The following TYK2 variants were observed in gnomAD, a reference collection of about 807,000 sequenced individuals.
The protein encoded by TYK2 is tyrosine kinase 2, also known as non-receptor tyrosine-protein kinase TYK2.
TYK2 carries 65 observed loss-of-function variants against 130.9 expected under a neutral mutation model. That is an observed-to-expected ratio of 0.50 (90% CI 0.41 to 0.61). TYK2 has a LOEUF of 0.61. TYK2 is among the 20% of genes least tolerant of loss of function. The probability of loss-of-function intolerance (pLI) is 0.00; values close to 1 mark genes in which losing one functional copy is unlikely to be tolerated. For missense variants in TYK2, 1,378 were observed against 1,610.7 expected (o/e 0.86, Z 2.47); for synonymous variants, 647 against 658.9 (o/e 0.98, Z 0.28).
At chr19:10,360,779 G>A (rs2041361806) in intron 14 of TYK2, among the ~76,000 whole-genome samples, 1 of 151,988 alleles carries the variant, frequency 6.6e-6, no homozygotes, top group Non-Finnish European at 1.5e-5. Context: ...TTGAGACAGA[G>A]TCTCGCCCTG....
At chr19:10,355,577 T>C (rs1319315857) in intron 18 of TYK2, among the ~76,000 whole-genome samples, 4 of 129,578 alleles carry the variant, frequency 3.1e-5, no homozygotes, top group Non-Finnish European at 4.9e-5. Context: ...GAGGCGGAGG[T>C]TGCAGTGGGC....
chr19:10,368,557 CT>C (rs765547402), intron 3 of TYK2, 139 bp from the exon 4 acceptor site: 6 of 1,285,660 alleles, frequency 4.7e-6, no homozygotes, highest in Non-Finnish European at 6.6e-6. Context: ...CACGTTGCCC[CT>C]GGGCAGAGGA....
intron 14 of TYK2, among the ~76,000 whole-genome samples, chr19:10,360,456 C>T (rs1371240348): frequency 6.6e-6 from 1 of 152,084 alleles, no homozygotes; most frequent in Non-Finnish European, 1.5e-5. Flanking sequence ...ATGATGGCAC[C>T]ACTGCATTGC....
chr19:10,368,195 A>C lies in TYK2; in HGVS notation c.325T>G (p.Phe109Val). The C allele has an allele frequency of 6.2e-7, 1 of 1,614,128 alleles. No homozygotes were observed. Among genetic ancestry groups the C allele is most frequent in the Non-Finnish European group, 8.5e-7 (1 of 1,180,016 alleles). ...LMLYFRIRFYFRNWHGMNPRE... is the reference protein window; with the variant it reads ...LMLYFRIRFYVRNWHGMNPRE... Reference sequence around the variant, plus strand: ...GGATTCATGCCATGCCAGTTCCGGAAATAAAACCTGCAGGAAGGAGGGACG... The same window carrying C: ...GGATTCATGCCATGCCAGTTCCGGACATAAAACCTGCAGGAAGGAGGGACG... Residue 109 changes from phenylalanine to valine, a missense_variant, in exon 5 of 25, where the codon TTC becomes GTC. Phe to Val is a conservative substitution (Grantham distance 50). Transcript: ENST00000525621.
At chr19:10,357,411 T>C (rs927058349) in intron 17 of TYK2, 3 of 664,562 alleles carry the variant, frequency 4.5e-6, no homozygotes, top group African/African-American at 3.6e-5. Flanking sequence ...ACCACACTCA[T>C]GAACCTCCTT....
Position 10,353,138 on chromosome 19 carries a change from G to C in TYK2, c.3028-40C>G, listed in dbSNP as rs757954545. 1.7e-5 allele frequency: 25 copies of C among 1,458,678 alleles called. No homozygotes were observed. Among genetic ancestry groups the C allele is most frequent in the Non-Finnish European group, 2.2e-5 (24 of 1,101,726 alleles). The allele number at this position is 1,458,678 out of a possible 1,614,324, so 90.4% of individuals were successfully genotyped here. A position where few individuals can be genotyped will look rare whatever the true frequency, so the allele number is the denominator to read the frequency against. ...GGGCTCGTGAGTTTCAGTGGGGCGG[G>C]GTTCGGCCGGGGGCGGCGGCAGGAC... On this transcript the variant is annotated intron_variant, in intron 21 of 24. Transcript: ENST00000525621. The surrounding 1 kb of genome is among the most constrained non-coding windows in gnomAD (Gnocchi z 6.9).
intron 3 of TYK2, among the ~76,000 whole-genome samples, chr19:10,375,759 AC>A (rs1865097476): frequency 7.2e-6 from 1 of 138,166 alleles, no homozygotes. Flanking sequence ...TACTAAAAAT[AC>A]AAAAAAAAAA....
Position 10,364,784 on chromosome 19 carries a change from G to A in TYK2, c.1210-13C>T. 1.2e-6 allele frequency: 2 copies of A among 1,614,014 alleles called. No individual in the cohort carries two copies. The highest frequency in any genetic ancestry group is 1.7e-6 in the Non-Finnish European group (2 of 1,180,046). The stretch of plus-strand genomic sequence containing the variant: ...GCAAGCTCAGCTCCTGCCAGCCAGG[G>A]GCGCATCAGGTGGGTGTCCTCCCAG... On this transcript the variant is annotated splice_polypyrimidine_tract_variant and intron_variant, in intron 8 of 24. Coordinates refer to ENST00000525621, the MANE Select transcript of TYK2 (RefSeq NM_003331.5). The surrounding 1 kb of genome is among the most constrained non-coding windows in gnomAD (Gnocchi z 4.9).
At position 10,356,501 on chromosome 19, in the gene TYK2, A is replaced by G. The variant is rs186231250; in HGVS notation, c.2617+67T>C. On this transcript the variant is annotated intron_variant, in intron 18 of 24. Transcript: ENST00000525621. ...TGTGCAGAGACCTCTCGTGCGCTAT[A>G]GGCATACAGCAGGGATCCCAGCCCC... The G allele has an allele frequency of 2.5e-4, 405 of 1,595,378 alleles. 1 individual carries two copies. Among genetic ancestry groups the G allele is most frequent in the Non-Finnish European group, 5.6e-5 (65 of 1,170,964 alleles).
rs578150310 is a variant in TYK2, at chr19:10,353,166, G to A, written c.3028-68C>T. 1.0e-5 allele frequency: 14 copies of A among 1,345,670 alleles called. No homozygotes were observed. In the East Asian group the frequency reaches 2.6e-4, roughly 25 times the overall value. 83.4% of individuals were successfully genotyped at this position (1,345,670 alleles called of 1,614,324 possible). On this transcript the variant is annotated intron_variant, in intron 21 of 24. Transcript: ENST00000525621. This position sits in a 1 kb window ranked among gnomAD's most constrained non-coding sequence, Gnocchi z 6.9. ...TCGGCCGGGGGCGGCGGCAGGACCT[G>A]AGCAGCCAGGAGGGCTGGGGGACAG...
intron 3 of TYK2, among the ~76,000 whole-genome samples, chr19:10,372,021 C>T (rs1382696109): frequency 2.0e-5 from 3 of 151,726 alleles, no homozygotes; most frequent in Admixed American, 6.6e-5. Context: ...GACGGAGTCT[C>T]GATCTGTCGC....
At position 10,353,255 on chromosome 19, in the gene TYK2, A is replaced by C; in HGVS notation, c.3028-157T>G. Reference sequence around the variant, plus strand: ...CCGGATGGCACGTGGCACCAAGCAAAAGGAGGCTGAGCCAGAAAGCAGGGA... The same window carrying C: ...CCGGATGGCACGTGGCACCAAGCAACAGGAGGCTGAGCCAGAAAGCAGGGA... On this transcript the variant is annotated intron_variant, in intron 21 of 24. Coordinates refer to ENST00000525621, the MANE Select transcript of TYK2 (RefSeq NM_003331.5). The surrounding 1 kb of genome is among the most constrained non-coding windows in gnomAD (Gnocchi z 6.9). 3 of 621,620 alleles carry C rather than the reference A, an allele frequency of 4.8e-6. No homozygotes were observed. In the Admixed American group the frequency reaches 1.0e-4, roughly 21 times the overall value. The allele number at this position is 621,620 out of a possible 1,614,324, so 38.5% of individuals were successfully genotyped here. A position where few individuals can be genotyped will look rare whatever the true frequency, so the allele number is the denominator to read the frequency against.
intron 3 of TYK2, among the ~76,000 whole-genome samples, chr19:10,374,616 G>T (rs1276942301): frequency 2.0e-5 from 3 of 146,384 alleles, no homozygotes; most frequent in Non-Finnish European, 4.5e-5. Flanking sequence ...AGCCGGGCAC[G>T]GTGGCTCACA....
In TYK2 at chr19:10,364,981, T is replaced by C. The variant is rs1251900547; in HGVS notation, c.1079A>G (p.Lys360Arg). 2 of 1,613,758 alleles carry C rather than the reference T, an allele frequency of 1.2e-6. No individual in the cohort carries two copies. Residue 360 changes from lysine to arginine, a missense_variant, in exon 8 of 25, where the codon AAG (lysine) becomes AGG (arginine). By Grantham distance (26) the Lys-to-Arg change is conservative. Coordinates refer to ENST00000525621, the MANE Select transcript of TYK2 (RefSeq NM_003331.5). This position sits in a 1 kb window ranked among gnomAD's most constrained non-coding sequence, Gnocchi z 4.9. ...SLFGKKAKAH[K>R]AVGQPADRPR... is the part of the protein sequence containing the mutation. ...CCTGTCTGCCGGCTGGCCGACTGCC[T>C]TGTGAGCCTTGGCCTTCTTCCCAAA...
rs374019486 is a variant in TYK2 at position 10,362,048 on chromosome 19, C to T, written c.1773+30G>A. The T allele has an allele frequency of 8.9e-5, 144 of 1,613,084 alleles. No homozygotes were observed. The African/African-American group carries it at 1.7e-3, about 19-fold the overall frequency. On this transcript the variant is annotated intron_variant, in intron 12 of 24. Coordinates refer to ENST00000525621, the MANE Select transcript of TYK2 (RefSeq NM_003331.5). Reference sequence around the variant, plus strand: ...GCACCCACATCCCCAGGGGCCCTGCCCTTGCCCCGGGCCCCTTCCCTGCAC... The same window carrying T: ...GCACCCACATCCCCAGGGGCCCTGCTCTTGCCCCGGGCCCCTTCCCTGCAC...
chr19:10,374,805 C>A (rs1016347429), intron 3 of TYK2, among the ~76,000 whole-genome samples: 1 of 151,802 alleles, frequency 6.6e-6, no homozygotes, highest in African/African-American at 2.4e-5. Flanking sequence ...ATCGCTAGAA[C>A]CCGGGAGGCG....
In TYK2 at chr19:10,362,410, T is replaced by A; in HGVS notation, c.1523A>T (p.Glu508Val). The A allele has an allele frequency of 6.2e-7, 1 of 1,612,188 alleles. No individual in the cohort carries two copies. Among genetic ancestry groups the A allele is most frequent in the East Asian group, 2.2e-5 (1 of 44,830 alleles). Residue 508 changes from glutamate (E) to valine (V), a missense_variant, in exon 11 of 25, where the codon GAG becomes GTG. By Grantham distance (121) the Glu-to-Val change is moderately radical. Transcript: ENST00000525621. Reference protein sequence around the residue: ...QSLRLRKFPIEQQDGAFVLEG... With the variant: ...QSLRLRKFPIVQQDGAFVLEG... ...CAGCACGAAGGCCCCGTCCTGCTGC[T>A]CAATGGGGAACTTTCGGAGCCGCAA...
In TYK2 at chr19:10,368,292, C is replaced by T. The variant is rs1446680378; in HGVS notation, c.317+3G>A. The T allele has an allele frequency of 4.3e-6, 7 of 1,614,048 alleles. No individual in the cohort carries two copies. The highest frequency in any genetic ancestry group is 1.7e-5 in the Admixed American group (1 of 59,986). Reference sequence around the variant, plus strand: ...GACGAGCTTTGCAAAGGTCTCCACCCACCTTATGCGGAAATATAGCATCAG... The same window carrying T: ...GACGAGCTTTGCAAAGGTCTCCACCTACCTTATGCGGAAATATAGCATCAG... On this transcript the variant is annotated splice_donor_region_variant and intron_variant, in intron 4 of 24. Coordinates refer to ENST00000525621, the MANE Select transcript of TYK2 (RefSeq NM_003331.5).
In TYK2 at chr19:10,369,857, C is replaced by T. The variant is rs12720247; in HGVS notation, c.194-1439G>A. 262 of 390,894 alleles carry T rather than the reference C, an allele frequency of 6.7e-4. 2 individuals carry two copies. Among genetic ancestry groups the T allele is most frequent in the African/African-American group, 5.2e-3 (243 of 46,740 alleles). 24.2% of individuals were successfully genotyped at this position (390,894 alleles called of 1,614,324 possible). Reference sequence around the variant, plus strand: ...AGGAGATCAAGACCATCTTGGCTAACATGGTGAAACCCCGTCTCTACTAAA... The same window carrying T: ...AGGAGATCAAGACCATCTTGGCTAATATGGTGAAACCCCGTCTCTACTAAA... On this transcript the variant is annotated intron_variant, in intron 3 of 24. Coordinates refer to ENST00000525621, the MANE Select transcript of TYK2 (RefSeq NM_003331.5).
Sources: allele counts gnomAD v4.1 joint callset (sites outside exome capture counted in the v4.1 genomes callset), GRCh38; gene constraint gnomAD v4.1.1; non-coding constraint Gnocchi (gnomAD v3.1); transcripts MANE v1.5; gene names NCBI Gene and HGNC (gene_info 2026-07-23, HGNC 2026-07-21).